Variants in FRMD6 observed in about 807,000 individuals in gnomAD.
FRMD6 encodes FERM domain-containing protein 6.
FRMD6 carries 37 observed loss-of-function variants against 73.2 expected under a neutral mutation model. The observed-to-expected ratio is 0.51, with a 90% CI of 0.39 to 0.66. FRMD6 has a LOEUF of 0.66. Ranked by LOEUF, FRMD6 falls within the 30% of genes least tolerant of loss-of-function variation. FRMD6 has a pLI of 0.00. For synonymous variants in FRMD6, 273 were observed against 282.2 expected (o/e 0.97, Z 0.33); for missense variants, 714 against 780.5 (o/e 0.91, Z 1.02).
intron 1 of FRMD6, among the ~76,000 whole-genome samples, chr14:51,544,138 A>C (rs1443304970): frequency 6.6e-6 from 1 of 152,008 alleles, no homozygotes; most frequent in Non-Finnish European, 1.5e-5. Flanking sequence ...CAGACATTAT[A>C]TTATTTCATC....
At chr14:51,532,663 T>G (rs1319095484) in intron 1 of FRMD6, among the ~76,000 whole-genome samples, 2 of 152,238 alleles carry the variant, frequency 1.3e-5, no homozygotes, top group Non-Finnish European at 2.9e-5. Flanking sequence ...TTTCATAATT[T>G]CCTGAGTCTG....
At chr14:51,541,824 C>G (rs1392555451) in intron 1 of FRMD6, among the ~76,000 whole-genome samples, 1 of 152,064 alleles carries the variant, frequency 6.6e-6, no homozygotes, top group Non-Finnish European at 1.5e-5. Flanking sequence ...TTTTATGTAA[C>G]TAGGCCCTGG....
intron 1 of FRMD6, among the ~76,000 whole-genome samples, chr14:51,538,406 G>A (rs1264237967): frequency 6.6e-6 from 1 of 152,008 alleles, no homozygotes; most frequent in African/African-American, 2.4e-5. Context: ...TTTTAATGAA[G>A]TTCCATTTAT....
the FRMD6 span, among the ~76,000 whole-genome samples, chr14:51,450,798 A>C: frequency 6.6e-6 from 1 of 152,224 alleles, no homozygotes; most frequent in Non-Finnish European, 1.5e-5. Context: ...ATAGATAGAT[A>C]AATTCCACAA....
At chr14:51,457,167 G>A in the FRMD6 span, among the ~76,000 whole-genome samples, 1 of 152,156 alleles carries the variant, frequency 6.6e-6, no homozygotes, top group Non-Finnish European at 1.5e-5. Flanking sequence ...ATAAATGTAT[G>A]ATATGATGAA....
chr14:51,579,487 C>T (rs17587084), intron 2 of FRMD6, among the ~76,000 whole-genome samples: 4,512 of 152,266 alleles, frequency 0.03, 91 homozygotes, highest in Non-Finnish European at 0.04. Context: ...CTTGCACTTA[C>T]TTCTAGGATA....
At chr14:51,559,595 C>A (rs1438627681) in intron 1 of FRMD6, among the ~76,000 whole-genome samples, 2 of 152,048 alleles carry the variant, frequency 1.3e-5, no homozygotes, top group Admixed American at 6.6e-5. Context: ...TTCCACCAAC[C>A]CTTCCTCCTA....
chr14:51,717,936 T>C (rs1432381208), intron 10 of FRMD6, among the ~76,000 whole-genome samples: 1 of 152,206 alleles, frequency 6.6e-6, no homozygotes, highest in Non-Finnish European at 1.5e-5. Context: ...AGCTGGAGCT[T>C]ATTCCTAGGA....
intron 2 of FRMD6, among the ~76,000 whole-genome samples, chr14:51,573,456 GAAACAGA>G (rs1888241619): frequency 6.6e-6 from 1 of 152,192 alleles, no homozygotes; most frequent in Non-Finnish European, 1.5e-5. Context: ...GTCTTAAGGT[GAAACAGA>G]TATTCCAGGA....
At chr14:51,443,986 T>C in the FRMD6 span, among the ~76,000 whole-genome samples, 1 of 146,400 alleles carries the variant, frequency 6.8e-6, no homozygotes, top group Non-Finnish European at 1.5e-5. Flanking sequence ...TGGAGTGCAA[T>C]GGTGCAATCT....
the FRMD6 span, among the ~76,000 whole-genome samples, chr14:51,481,328 A>G: frequency 3.6e-4 from 55 of 152,340 alleles, no homozygotes; most frequent in Middle Eastern, 3.4e-3. Flanking sequence ...GAAAGTGAAA[A>G]GCATGTCTTA....
chr14:51,563,634 C>T (rs148654821), intron 1 of FRMD6, among the ~76,000 whole-genome samples: 139 of 152,128 alleles, frequency 9.1e-4, no homozygotes, highest in African/African-American at 3.1e-3. Flanking sequence ...CATGCCACTG[C>T]ACTCCAGCCT....
chr14:51,610,580 G>T (rs1450179748), intron 2 of FRMD6, among the ~76,000 whole-genome samples: 1 of 152,106 alleles, frequency 6.6e-6, no homozygotes, highest in Non-Finnish European at 1.5e-5. Flanking sequence ...GAGTTTAAAG[G>T]TTGAAGAATT....
intron 1 of FRMD6, among the ~76,000 whole-genome samples, chr14:51,532,507 C>T (rs1885650022): frequency 6.6e-6 from 1 of 151,972 alleles, no homozygotes. Flanking sequence ...ATATATTGTG[C>T]CCACCCCAGG....
chr14:51,718,838 G>T (rs1180713076), intron 10 of FRMD6, among the ~76,000 whole-genome samples: 2 of 151,982 alleles, frequency 1.3e-5, no homozygotes, highest in African/African-American at 4.8e-5. Flanking sequence ...TTGCATCCTA[G>T]AAGGCGCATC....
intron 1 of FRMD6, among the ~76,000 whole-genome samples, chr14:51,552,622 A>G (rs977455575): frequency 2.0e-5 from 3 of 152,248 alleles, no homozygotes; most frequent in African/African-American, 7.2e-5. Context: ...GGTGGGGTCC[A>G]ATGGCACCAG....
At chr14:51,478,935 A>G in the FRMD6 span, among the ~76,000 whole-genome samples, 2 of 152,200 alleles carry the variant, frequency 1.3e-5, no homozygotes, top group Non-Finnish European at 2.9e-5. Flanking sequence ...GTGCCAGAAG[A>G]AATTCGGAGA....
chr14:51,598,600 C>T (rs759808191), intron 2 of FRMD6, among the ~76,000 whole-genome samples: 11 of 152,086 alleles, frequency 7.2e-5, no homozygotes, highest in African/African-American at 1.9e-4. Context: ...GGTCTACTGC[C>T]GCCATCTTTA....
chr14:51,596,332 C>T (rs1219944181), intron 2 of FRMD6, among the ~76,000 whole-genome samples: 1 of 151,922 alleles, frequency 6.6e-6, no homozygotes, highest in Non-Finnish European at 1.5e-5. Context: ...GAATCAAGCA[C>T]CCTCACATTA....
Sources: allele counts gnomAD v4.1 joint callset (sites outside exome capture counted in the v4.1 genomes callset), GRCh38; gene constraint gnomAD v4.1.1; transcripts MANE v1.5; gene names NCBI Gene and HGNC (gene_info 2026-07-23, HGNC 2026-07-21).